Variants in TMEM219 observed in about 807,000 individuals in gnomAD.
TMEM219 encodes the protein insulin-like growth factor-binding protein 3 receptor.
A neutral mutation model predicts 17.9 loss-of-function variants in TMEM219; 18 were observed. The ratio of observed to expected loss-of-function variants is 1.01; its 90% CI spans 0.70 to 1.49. TMEM219 has a LOEUF of 1.49. Among genes scored for constraint, TMEM219 ranks in the 40% most tolerant of loss-of-function variants. The probability of loss-of-function intolerance (pLI) is 0.00; values close to 1 mark genes in which losing one functional copy is unlikely to be tolerated. For missense variants in TMEM219, 288 were observed against 292.4 expected, an observed-to-expected ratio of 0.99 and a Z score of 0.11; for synonymous variants, 113 against 124.0, an observed-to-expected ratio of 0.91 and a Z score of 0.59.
intron 3 of TMEM219, among the ~76,000 whole-genome samples, chr16:29,964,660 C>G (rs1046925821): frequency 1.3e-5 from 2 of 151,896 alleles, no homozygotes; most frequent in Non-Finnish European, 2.9e-5. Context: ...CTGTCCCGCC[C>G]CGCGCCCCCC....
chr16:29,971,755 T>A, intron 5 of TMEM219, 177 bp downstream of exon 5: 1 of 483,582 alleles, frequency 2.1e-6, no homozygotes, highest in African/African-American at 2.0e-5. Flanking sequence ...ACCGTCAGCA[T>A]TCAATATTTT....
chr16:29,972,835 G>C (rs150596586), intron 5 of TMEM219, 115 bp from the exon 6 acceptor site: 1 of 152,216 alleles, frequency 6.6e-6, no homozygotes, highest in Non-Finnish European at 1.5e-5. Context: ...TTAAATGCCC[G>C]TATTGGTCTC....
At position 29,968,220 on chromosome 16, in the gene TMEM219, A is replaced by G; in HGVS notation, c.551A>G (p.His184Arg). 6.2e-7 allele frequency: 1 copy of G among 1,614,152 alleles called. No individual in the cohort carries two copies. The highest frequency in any genetic ancestry group is 8.5e-7 in the Non-Finnish European group (1 of 1,180,026). The change falls in exon 4 of 6, where the codon CAT becomes CGT. Residue 184 changes from histidine (H) to arginine (R), a missense_variant. Coordinates refer to ENST00000279396, the MANE Select transcript of TMEM219 (RefSeq NM_001083613.2). ...MGEECVSVWS[H>R]EGLVLTKLLT... The stretch of plus-strand genomic sequence containing the variant: ...GAGGAATGTGTTAGTGTCTGGAGCC[A>G]TGAAGGCCTTGTGCTGACCAAGCTG...
intron 3 of TMEM219, among the ~76,000 whole-genome samples, chr16:29,964,305 A>C (rs995827916): frequency 7.9e-5 from 12 of 151,904 alleles, no homozygotes; most frequent in Non-Finnish European, 1.8e-4. Context: ...CCTGGGCAAC[A>C]GAGCAAAACT....
chr16:29,968,075 A>G lies in TMEM219; in HGVS notation c.406A>G (p.Arg136Gly). ...TATCACAGCCAGGGTGACCACAGAA[A>G]GGACTGCAGGAACCTGCCTATATTT... ...VLITARVTTE[R>G]TAGTCLYFSA... The change falls in exon 4 of 6, where the codon AGG becomes GGG. Residue 136 changes from arginine to glycine, a missense_variant. By Grantham distance (125) the Arg-to-Gly change is moderately radical. Coordinates refer to ENST00000279396, the MANE Select transcript of TMEM219 (RefSeq NM_001083613.2). 6.2e-7 allele frequency: 1 copy of G among 1,614,238 alleles called. No homozygotes were observed. The highest frequency in any genetic ancestry group is 1.1e-5 in the South Asian group (1 of 91,084).
chr16:29,971,616 T>TTG, intron 5 of TMEM219, 38 bp downstream of exon 5: 22 of 512,644 alleles, frequency 4.3e-5, no homozygotes, highest in Admixed American at 9.3e-5. Context: ...GAGCAGGGAA[T>TTG]GGGGTGGGGG....
intron 4 of TMEM219, among the ~76,000 whole-genome samples, chr16:29,970,606 G>A (rs2088121401): frequency 6.6e-6 from 1 of 151,970 alleles, no homozygotes. Context: ...TTACAGGTGT[G>A]AGCCACCGCA....
chr16:29,967,878 G>A (rs1165184068), intron 3 of TMEM219, 147 bp from the exon 4 acceptor site: 18 of 617,516 alleles, frequency 2.9e-5, no homozygotes, highest in Non-Finnish European at 3.7e-5. Flanking sequence ...AGTGAGCCGA[G>A]ATTGCGCCAC....
intron 3 of TMEM219, among the ~76,000 whole-genome samples, chr16:29,963,960 A>T (rs891845189): frequency 2.7e-5 from 4 of 150,570 alleles, no homozygotes; most frequent in Admixed American, 2.7e-4. Context: ...AGAAGGGCAG[A>T]TCACGAGGTT....
At chr16:29,963,375 C>T in intron 2 of TMEM219, 25 bp from the exon 3 acceptor site, 1 of 1,613,680 alleles carries the variant, frequency 6.2e-7, no homozygotes. Flanking sequence ...CTAATCTCAT[C>T]TCACCCGTCT....
chr16:29,963,019 C>T, intron 1 of TMEM219, 88 bp from the exon 2 acceptor site: 1 of 1,169,166 alleles, frequency 8.6e-7, no homozygotes, highest in Non-Finnish European at 1.2e-6. Flanking sequence ...ACTGTGTGGC[C>T]TTGGGAAGTC....
intron 2 of TMEM219, 23 bp downstream of exon 2, chr16:29,963,331 C>G (rs762259555): frequency 1.2e-6 from 2 of 1,613,946 alleles, no homozygotes; most frequent in Non-Finnish European, 8.5e-7. Flanking sequence ...CCCCCGTACC[C>G]GCTCTTCCTT....
At chr16:29,969,133 C>G (rs1169573766) in intron 4 of TMEM219, among the ~76,000 whole-genome samples, 1 of 151,622 alleles carries the variant, frequency 6.6e-6, no homozygotes. Flanking sequence ...AGGAGAATGC[C>G]TGAGGCCAGG....
At chr16:29,962,869 T>C (rs934604870) in intron 1 of TMEM219, 3 of 458,216 alleles carry the variant, frequency 6.5e-6, no homozygotes, top group Non-Finnish European at 1.2e-5. Flanking sequence ...TTCAGTTTCC[T>C]TCTTCCAGCA....
Position 29,962,305 on chromosome 16 carries a change from C to T in TMEM219, c.-38+173C>T, listed in dbSNP as rs185922918. On this transcript the variant is annotated intron_variant, in intron 1 of 5. Coordinates refer to ENST00000279396, the MANE Select transcript of TMEM219 (RefSeq NM_001083613.2). ...AACCCCCTTCCAGCCGGACGGGAGG[C>T]GGGGCAGGGCTGAGCATTTGTGACA... Among the ~76,000 whole-genome samples, 10 of 152,268 alleles carry T rather than the reference C, an allele frequency of 6.6e-5. No homozygotes were observed. In the East Asian group the frequency reaches 1.9e-3, roughly 29 times the overall value.
intron 4 of TMEM219, among the ~76,000 whole-genome samples, chr16:29,968,824 G>A (rs956984502): frequency 1.3e-5 from 2 of 152,196 alleles, no homozygotes; most frequent in African/African-American, 2.4e-5. Flanking sequence ...GCCTTTTGAG[G>A]TAGGTGTTAT....
chr16:29,967,867 C>G lies in TMEM219; in HGVS notation c.356-158C>G, dbSNP rs371007768. 2.6e-4 allele frequency among the ~76,000 whole-genome samples: 39 copies of G among 151,630 alleles called. No individual in the cohort carries two copies. The East Asian group carries it at 6.8e-3, about 26-fold the overall frequency. On this transcript the variant is annotated intron_variant, in intron 3 of 5. Coordinates refer to ENST00000279396, the MANE Select transcript of TMEM219 (RefSeq NM_001083613.2). ...GTGTGAACCCGGGAGGCGGAGCTTG[C>G]AGTGAGCCGAGATTGCGCCACTGCA...
Position 29,963,438 on chromosome 16 carries a change from C to G in TMEM219, c.204C>G (p.Thr68=). 1.2e-6 allele frequency: 2 copies of G among 1,614,190 alleles called. No homozygotes were observed. Among genetic ancestry groups the G allele is most frequent in the Non-Finnish European group, 1.7e-6 (2 of 1,180,026 alleles). The change falls in exon 3 of 6, where the codon ACC becomes ACG. Residue 68 remains threonine, a synonymous_variant. Transcript: ENST00000279396. Reference sequence around the variant, plus strand: ...TTTTGAGATCTTTTGGCCAGCTGACCCTGTGTCCCAGGAATGGGACAGTCA... The same window carrying G: ...TTTTGAGATCTTTTGGCCAGCTGACGCTGTGTCCCAGGAATGGGACAGTCA... ...VSFLRSFGQL[T]LCPRNGTVTG...
intron 2 of TMEM219, 23 bp from the exon 3 acceptor site, chr16:29,963,376 TC>T (rs1255103062): frequency 6.2e-7 from 1 of 1,613,680 alleles, no homozygotes; most frequent in Non-Finnish European, 8.5e-7. Flanking sequence ...TAATCTCATC[TC>T]ACCCGTCTTC....
Sources: gnomAD v4.1 joint callset for allele counts (sites outside exome capture counted in the v4.1 genomes callset) on GRCh38, gnomAD v4.1.1 for gene constraint, MANE v1.5 for transcripts, NCBI Gene and HGNC (gene_info 2026-07-23, HGNC 2026-07-21) for gene names.